The following SNX18 variants were observed in gnomAD, a reference collection of about 807,000 sequenced individuals.
SNX18 encodes sorting nexin 18.
A neutral mutation model predicts 48.7 loss-of-function variants in SNX18; 35 were observed. The ratio of observed to expected loss-of-function variants is 0.72; its 90% confidence interval spans 0.55 to 0.95. The LOEUF is 0.95. Among genes scored for constraint, SNX18 ranks in the 40% least tolerant of loss-of-function variants. The pLI, the probability that SNX18 is intolerant of heterozygous loss-of-function variation, is 0.00. For missense variants in SNX18, 824 were observed against 871.0 expected (o/e 0.95, Z 0.68); for synonymous variants, 492 against 384.7 (o/e 1.28, Z -3.26).
rs1243844947 is a variant in SNX18, at chr5:54,540,513, A to T, written c.1622-2666A>T. On this transcript the variant is annotated intron_variant, in intron 1 of 1. Transcript: ENST00000381410. ...ATTTTAGGCATAAGCCACCGTGGCA[A>T]GCCCTGGACTTGTTGATTTTTAAAT... Among the ~76,000 whole-genome samples, 3 of 152,198 alleles carry T rather than the reference A, an allele frequency of 2.0e-5. No homozygotes were observed. In the East Asian group the frequency reaches 5.8e-4, roughly 29 times the overall value.
At chr5:54,598,063 C>T in the SNX18 span, among the ~76,000 whole-genome samples, 7 of 152,186 alleles carry the variant, frequency 4.6e-5, no homozygotes, top group African/African-American at 1.2e-4. Flanking sequence ...GGTATCAGCA[C>T]GGATCCCACA....
At chr5:54,643,518 GGTTA>G in the SNX18 span, 2 of 152,042 alleles carry the variant, frequency 1.3e-5, no homozygotes, top group South Asian at 4.1e-4. Flanking sequence ...AACGACTTTT[GGTTA>G]GTTTATATAA....
chr5:54,631,523 T>C, the SNX18 span, among the ~76,000 whole-genome samples: 1 of 152,244 alleles, frequency 6.6e-6, no homozygotes, highest in Non-Finnish European at 1.5e-5. Context: ...TATTCTCCTC[T>C]ATACCAAGCT....
the SNX18 span, among the ~76,000 whole-genome samples, chr5:54,603,332 C>T: frequency 6.6e-6 from 1 of 151,846 alleles, no homozygotes; most frequent in African/African-American, 2.4e-5. Context: ...GCTCAAATGC[C>T]TGGGCTCAAG....
At chr5:54,645,757 G>C in the SNX18 span, 2 of 152,300 alleles carry the variant, frequency 1.3e-5, no homozygotes, top group South Asian at 4.1e-4. Flanking sequence ...ATTCAGAGAA[G>C]GCAAACCCAT....
chr5:54,570,517 A>AATC, the SNX18 span, among the ~76,000 whole-genome samples: 1 of 152,342 alleles, frequency 6.6e-6, no homozygotes, highest in South Asian at 2.1e-4. Context: ...GTATTTAATC[A>AATC]ATCTTAAATA....
the SNX18 span, among the ~76,000 whole-genome samples, chr5:54,641,799 G>A: frequency 6.6e-6 from 1 of 152,310 alleles, no homozygotes; most frequent in Non-Finnish European, 1.5e-5. Context: ...ATGTGTGTAT[G>A]TATGCGTGTG....
the SNX18 span, among the ~76,000 whole-genome samples, chr5:54,568,416 A>G: frequency 6.6e-6 from 1 of 152,190 alleles, no homozygotes; most frequent in Non-Finnish European, 1.5e-5. Flanking sequence ...GCTCCCTGCC[A>G]GGCAAGGATG....
the SNX18 span, among the ~76,000 whole-genome samples, chr5:54,577,319 T>C: frequency 6.6e-5 from 10 of 151,554 alleles, no homozygotes; most frequent in African/African-American, 2.4e-4. Context: ...GTTTCATAAA[T>C]ACATATCAAA....
the SNX18 span, among the ~76,000 whole-genome samples, chr5:54,583,390 C>G: frequency 2.9e-4 from 44 of 152,324 alleles, 1 homozygote; most frequent in Non-Finnish European, 4.7e-4. Flanking sequence ...TCAGATCTGG[C>G]TCTGGGTCTT....
the SNX18 span, among the ~76,000 whole-genome samples, chr5:54,566,854 C>T: frequency 6.6e-6 from 1 of 152,182 alleles, no homozygotes; most frequent in Admixed American, 6.5e-5. Flanking sequence ...CTATGCTTCT[C>T]CAGCACAATT....
chr5:54,616,251 A>G, the SNX18 span, among the ~76,000 whole-genome samples: 1 of 152,214 alleles, frequency 6.6e-6, no homozygotes, highest in East Asian at 1.9e-4. Context: ...TTCTGACTTA[A>G]CAACTCCTAG....
chr5:54,640,401 T>A, the SNX18 span, among the ~76,000 whole-genome samples: 5 of 147,228 alleles, frequency 3.4e-5, no homozygotes, highest in East Asian at 4.6e-4. Context: ...TTCTTTTTTT[T>A]AAAAAAAAGA....
chr5:54,573,908 CG>C, the SNX18 span, among the ~76,000 whole-genome samples: 369 of 152,278 alleles, frequency 2.4e-3, 2 homozygotes, highest in African/African-American at 8.4e-3. Context: ...AGGAGTAGCT[CG>C]GAAGTCAGCA....
chr5:54,630,694 C>T, the SNX18 span, among the ~76,000 whole-genome samples: 16 of 152,202 alleles, frequency 1.1e-4, no homozygotes, highest in Non-Finnish European at 1.5e-4. Flanking sequence ...ATTAGCCGGG[C>T]ATGGTGGCAT....
the SNX18 span, among the ~76,000 whole-genome samples, chr5:54,620,841 CA>C: frequency 6.6e-6 from 1 of 152,168 alleles, no homozygotes; most frequent in Non-Finnish European, 1.5e-5. Context: ...ACTGTGTCCT[CA>C]CATGTTTTTC....
the SNX18 span, among the ~76,000 whole-genome samples, chr5:54,626,057 A>G: frequency 3.3e-5 from 5 of 152,234 alleles, no homozygotes; most frequent in African/African-American, 1.2e-4. Context: ...TTTCTGTTGC[A>G]TGATCCAATA....
chr5:54,567,197 G>A, the SNX18 span, among the ~76,000 whole-genome samples: 1 of 151,958 alleles, frequency 6.6e-6, no homozygotes, highest in Admixed American at 6.6e-5. Flanking sequence ...ACATGGATGT[G>A]TGTATGTGTG....
chr5:54,562,575 T>G, the SNX18 span, among the ~76,000 whole-genome samples: 1 of 152,176 alleles, frequency 6.6e-6, no homozygotes, highest in African/African-American at 2.4e-5. Context: ...AACGCGTTTC[T>G]CCTGTGTTTA....
Sources: allele counts gnomAD v4.1 joint callset (sites outside exome capture counted in the v4.1 genomes callset), GRCh38; gene constraint gnomAD v4.1.1; transcripts MANE v1.5; gene names NCBI Gene and HGNC (gene_info 2026-07-23, HGNC 2026-07-21).